TAFA4: variants seen among roughly 807,000 people sequenced by gnomAD.
The protein encoded by TAFA4 is chemokine-like protein TAFA-4.
TAFA4 carries 20 observed loss-of-function variants against 21.1 expected under a neutral mutation model. The ratio of observed to expected loss-of-function variants is 0.95; its 90% CI spans 0.67 to 1.38. TAFA4 has a LOEUF of 1.38. TAFA4 is among the 40% of genes most tolerant of loss of function. TAFA4 has a pLI of 0.00. For missense variants in TAFA4, 211 were observed against 180.9 expected, an observed-to-expected ratio of 1.17 and a Z score of -0.95; for synonymous variants, 71 against 67.4, an observed-to-expected ratio of 1.05 and a Z score of -0.26.
chr3:68,748,117 C>T (rs756208458), intron 4 of TAFA4, among the ~76,000 whole-genome samples: 39 of 152,214 alleles, frequency 2.6e-4, no homozygotes, highest in Non-Finnish European at 4.4e-4. Flanking sequence ...CTAGTAAACT[C>T]TGAGTTCCTT....
At chr3:68,831,249 T>G (rs1332152302) in intron 3 of TAFA4, among the ~76,000 whole-genome samples, 2 of 152,202 alleles carry the variant, frequency 1.3e-5, no homozygotes, top group Non-Finnish European at 2.9e-5. Flanking sequence ...GCTGGTAATT[T>G]CACCCATTAA....
intron 3 of TAFA4, among the ~76,000 whole-genome samples, chr3:68,825,611 G>T (rs1704211975): frequency 6.6e-6 from 1 of 151,800 alleles, no homozygotes; most frequent in Non-Finnish European, 1.5e-5. Flanking sequence ...TTCAGGATAG[G>T]GAGAATAAAA....
At chr3:68,873,708 A>C (rs1490003) in intron 3 of TAFA4, among the ~76,000 whole-genome samples, 41,522 of 152,064 alleles carry the variant, frequency 0.27, 6,880 homozygotes, top group Middle Eastern at 0.41. Context: ...TGAAAGTGCC[A>C]CTTGAAAGAC....
chr3:68,824,968 A>G (rs183262657), intron 3 of TAFA4, among the ~76,000 whole-genome samples: 1 of 152,244 alleles, frequency 6.6e-6, no homozygotes, highest in East Asian at 1.9e-4. Flanking sequence ...GCAAAGTTTA[A>G]TGCTTTTTTA....
intron 3 of TAFA4, among the ~76,000 whole-genome samples, chr3:68,849,647 C>T (rs2106907437): frequency 6.6e-6 from 1 of 152,316 alleles, no homozygotes; most frequent in East Asian, 1.9e-4. Context: ...ACCACCTAAC[C>T]AGGTCTGCCA....
rs886717041 is a variant in TAFA4, at chr3:68,819,279, A to T, written c.130+61451T>A. 0.019 allele frequency among the ~76,000 whole-genome samples: 1,637 copies of T among 85,750 alleles called. 33 individuals carry two copies. In the East Asian group the frequency reaches 0.28, roughly 14 times the overall value. The allele number at this position is 85,750 out of a possible 152,430, so 56.3% of individuals were successfully genotyped here. Reference sequence around the variant, plus strand: ...AGTGAGACCCTGTCTTTAATTAAAAAAAAAAAAAAAAAAAAAAAAAGCATC... The same window carrying T: ...AGTGAGACCCTGTCTTTAATTAAAATAAAAAAAAAAAAAAAAAAAAGCATC... On this transcript the variant is annotated intron_variant, in intron 3 of 5. Coordinates refer to ENST00000295569, the MANE Select transcript of TAFA4 (RefSeq NM_182522.5).
chr3:68,845,124 C>T (rs921607774), intron 3 of TAFA4, among the ~76,000 whole-genome samples: 3 of 152,072 alleles, frequency 2.0e-5, no homozygotes, highest in Admixed American at 6.6e-5. Context: ...TAAAGTCTCC[C>T]GCTGTTATTG....
intron 3 of TAFA4, among the ~76,000 whole-genome samples, chr3:68,776,097 G>A (rs1402395729): frequency 3.3e-5 from 5 of 152,074 alleles, no homozygotes; most frequent in Non-Finnish European, 5.9e-5. Context: ...CAGAGGAATG[G>A]AGGAATGGAG....
At chr3:68,824,454 CCTCT>C (rs10539613) in intron 3 of TAFA4, among the ~76,000 whole-genome samples, 29,674 of 151,944 alleles carry the variant, frequency 0.2, 3,406 homozygotes, top group East Asian at 0.47. Flanking sequence ...CATCATATCT[CCTCT>C]CTGATTCCAC....
At chr3:68,919,150 A>C (rs895210166) in intron 1 of TAFA4, among the ~76,000 whole-genome samples, 2 of 152,198 alleles carry the variant, frequency 1.3e-5, no homozygotes, top group African/African-American at 4.8e-5. Context: ...CAGCATTTTC[A>C]AGGGCAAGAA....
chr3:68,784,127 C>T (rs980624783), intron 3 of TAFA4, among the ~76,000 whole-genome samples: 4 of 152,168 alleles, frequency 2.6e-5, no homozygotes, highest in Non-Finnish European at 4.4e-5. Context: ...CTCAACCTCA[C>T]TAATAATTAA....
intron 3 of TAFA4, among the ~76,000 whole-genome samples, chr3:68,791,669 G>C (rs17047995): frequency 0.04 from 6,154 of 152,194 alleles, 431 homozygotes; most frequent in African/African-American, 0.14. Context: ...GGAAGCCCAA[G>C]AAATAAACCA....
chr3:68,912,505 G>T (rs1395153099), intron 1 of TAFA4, among the ~76,000 whole-genome samples: 1 of 152,156 alleles, frequency 6.6e-6, no homozygotes, highest in Non-Finnish European at 1.5e-5. Context: ...AAAATGAGCC[G>T]CCCCTTGGCT....
In TAFA4 at chr3:68,824,835, G is replaced by C. The variant is rs967749050; in HGVS notation, c.130+55895C>G. Reference sequence around the variant, plus strand: ...GTCATTTTAGCTACCTGACTCTAACGGCAGCTACTTTTAAGTACCTACTAT... The same window carrying C: ...GTCATTTTAGCTACCTGACTCTAACCGCAGCTACTTTTAAGTACCTACTAT... On this transcript the variant is annotated intron_variant, in intron 3 of 5. Transcript: ENST00000295569. Among the ~76,000 whole-genome samples the C allele has an allele frequency of 6.6e-5, 10 of 152,100 alleles. No individual in the cohort carries two copies. In the South Asian group the frequency reaches 2.1e-3, roughly 32 times the overall value.
intron 3 of TAFA4, among the ~76,000 whole-genome samples, chr3:68,841,152 T>C (rs1450984155): frequency 1.3e-5 from 1 of 77,804 alleles, no homozygotes. Context: ...TGAAACCCCG[T>C]CTCTACTAAA....
Position 68,911,839 on chromosome 3 carries a change from A to G in TAFA4, c.-123+20401T>C, listed in dbSNP as rs534825143. 3.9e-5 allele frequency among the ~76,000 whole-genome samples: 6 copies of G among 152,316 alleles called. No homozygotes were observed. In the East Asian group the frequency reaches 1.2e-3, roughly 29 times the overall value. On this transcript the variant is annotated intron_variant, in intron 1 of 5. Coordinates refer to ENST00000295569, the MANE Select transcript of TAFA4 (RefSeq NM_182522.5). ...AGCCAGTGGGGCTGCCAGGGCTCAA[A>G]GCTCTTATTAGTGGTAATACGTTTC... is the stretch of plus-strand genomic sequence containing the variant.
At chr3:68,803,022 T>C (rs1703609058) in intron 3 of TAFA4, among the ~76,000 whole-genome samples, 1 of 152,228 alleles carries the variant, frequency 6.6e-6, no homozygotes, top group Admixed American at 6.5e-5. Flanking sequence ...CTAGCTTTTT[T>C]TCCCTTGTTC....
intron 1 of TAFA4, among the ~76,000 whole-genome samples, chr3:68,920,721 C>A (rs1446870803): frequency 6.7e-6 from 1 of 149,868 alleles, no homozygotes; most frequent in Non-Finnish European, 1.5e-5. Context: ...GTATTATGAC[C>A]AGTGGCACCA....
chr3:68,838,600 A>G (rs1704578546), intron 3 of TAFA4, among the ~76,000 whole-genome samples: 1 of 152,224 alleles, frequency 6.6e-6, no homozygotes, highest in Non-Finnish European at 1.5e-5. Flanking sequence ...TAAATATTTT[A>G]GGGTTTGCGG....
Sources: allele counts gnomAD v4.1 joint callset (sites outside exome capture counted in the v4.1 genomes callset), GRCh38; gene constraint gnomAD v4.1.1; transcripts MANE v1.5; gene names NCBI Gene and HGNC (gene_info 2026-07-23, HGNC 2026-07-21).